NLRP11: variants seen among roughly 807,000 people sequenced by gnomAD.
NLRP11 encodes NLR family pyrin domain containing 11, also known as NACHT, LRR and PYD domains-containing protein 11.
In NLRP11, 53 loss-of-function variants were observed where a neutral mutation model predicts 79.3. The ratio of observed to expected loss-of-function variants is 0.67; its 90% confidence interval spans 0.54 to 0.84. The LOEUF is 0.84. Among genes scored for constraint, NLRP11 ranks in the 40% least tolerant of loss-of-function variants. NLRP11 has a pLI of 0.00. For missense variants in NLRP11, 1,264 were observed against 1,255.0 expected (o/e 1.01, Z -0.11); for synonymous variants, 518 against 462.6 (o/e 1.12, Z -1.54).
exon 2 of NLRP11, chr19:55,818,058 C>T (rs1301554130): frequency 6.2e-7 from 1 of 1,613,992 alleles, no homozygotes. Flanking sequence ...GAAACTGTGG[C>T]AGTTTGAAAT....
At chr19:55,796,449 G>A (rs913493300) in intron 5 of NLRP11, among the ~76,000 whole-genome samples, 199 bp from the exon 6 acceptor site, 2 of 152,180 alleles carry the variant, frequency 1.3e-5, no homozygotes, top group South Asian at 4.2e-4. Context: ...ACAGATTCAC[G>A]AAGGGCTGTG....
chr19:55,796,526 T>C (rs528111362), intron 5 of NLRP11, among the ~76,000 whole-genome samples: 1 of 152,190 alleles, frequency 6.6e-6, no homozygotes, highest in African/African-American at 2.4e-5. Flanking sequence ...TTCAGAACGG[T>C]AAGTCAGGTA....
chr19:55,798,419 A>G (rs1979150647), intron 5 of NLRP11: 1 of 705,872 alleles, frequency 1.4e-6, no homozygotes, highest in Non-Finnish European at 1.7e-6. Flanking sequence ...ACAGAAAACC[A>G]AATACCACAT....
chr19:55,803,257 G>A (rs971343167), intron 4 of NLRP11, among the ~76,000 whole-genome samples: 1 of 152,162 alleles, frequency 6.6e-6, no homozygotes, highest in African/African-American at 2.4e-5. Context: ...TGAGGCAGGA[G>A]AAGCACTTGA....
chr19:55,817,319 A>G (rs1981227829), intron 2 of NLRP11, among the ~76,000 whole-genome samples: 1 of 152,192 alleles, frequency 6.6e-6, no homozygotes, highest in Non-Finnish European at 1.5e-5. Flanking sequence ...CAATCCCACT[A>G]CTGTGTATCT....
In NLRP11 at chr19:55,809,366, TCAC is replaced by T. The variant is rs1321361258; in HGVS notation, c.1241_1243del (p.Gly414del). 6.2e-7 allele frequency: 1 copy of T among 1,614,028 alleles called. No homozygotes were observed. The highest frequency in any genetic ancestry group is 8.5e-7 in the Non-Finnish European group (1 of 1,180,038). ...AGTAAACCCAACACATCTGAGGTCT[TCAC>T]CACTGAAATTCAGGGTGCTCAGAAA... On this transcript the variant is annotated inframe_deletion, in exon 3 of 10. Transcript: ENST00000589093. This position sits in a 1 kb window ranked among gnomAD's most constrained non-coding sequence, Gnocchi z 4.5.
At chr19:55,788,929 A>G (rs1437109593) in exon 9 of NLRP11, 1 of 1,613,894 alleles carries the variant, frequency 6.2e-7, no homozygotes, top group African/African-American at 1.3e-5. Context: ...TGGTAAGAAC[A>G]GAGGCAAGAG....
At chr19:55,802,528 GA>G (rs1374222266) in intron 4 of NLRP11, among the ~76,000 whole-genome samples, 4 of 151,980 alleles carry the variant, frequency 2.6e-5, no homozygotes, top group Non-Finnish European at 5.9e-5. Context: ...CAAACAAATG[GA>G]AAAAACATTC....
intron 3 of NLRP11, 123 bp downstream of exon 3, chr19:55,808,646 G>T: frequency 1.2e-6 from 1 of 848,166 alleles, no homozygotes; most frequent in Non-Finnish European, 1.9e-6. Context: ...GGTCTAATTA[G>T]AAGCTAGATT....
chr19:55,817,820 GAA>G (rs10632108), intron 2 of NLRP11, 82 bp downstream of exon 2: 18,951 of 819,376 alleles, frequency 0.023, no homozygotes, highest in Admixed American at 0.045. Flanking sequence ...AACCTATTTA[GAA>G]AAAAAAAAAA....
intron 1 of NLRP11, among the ~76,000 whole-genome samples, chr19:55,831,110 T>TCCCCCCCA (rs1212630227): frequency 2.0e-4 from 2 of 10,026 alleles, no homozygotes; most frequent in South Asian, 3.3e-3. Flanking sequence ...ACCCCCCCCA[T>TCCCCCCCA]CCCCCCCACC....
chr19:55,811,728 G>C (rs1349595045), intron 2 of NLRP11, among the ~76,000 whole-genome samples: 3 of 152,014 alleles, frequency 2.0e-5, no homozygotes, highest in Non-Finnish European at 4.4e-5. Flanking sequence ...TGATGAGTAT[G>C]GTTCATGATT....
chr19:55,801,419 T>C (rs1186355039), intron 5 of NLRP11, among the ~76,000 whole-genome samples, 153 bp downstream of exon 5: 1 of 152,122 alleles, frequency 6.6e-6, no homozygotes, highest in Non-Finnish European at 1.5e-5. Context: ...GGAATAATGT[T>C]GGTGAAAGAA....
intron 1 of NLRP11, among the ~76,000 whole-genome samples, chr19:55,821,443 G>A (rs980329802): frequency 6.6e-6 from 1 of 152,124 alleles, no homozygotes; most frequent in Admixed American, 6.5e-5. Context: ...AGCCCTCACT[G>A]TAATAAGTCA....
chr19:55,816,233 A>G (rs1981101653), intron 2 of NLRP11, among the ~76,000 whole-genome samples: 1 of 152,232 alleles, frequency 6.6e-6, no homozygotes, highest in African/African-American at 2.4e-5. Context: ...AGGAGTAGCT[A>G]TGCTTATATC....
chr19:55,814,832 G>A (rs1455720128), intron 2 of NLRP11, among the ~76,000 whole-genome samples: 3 of 152,102 alleles, frequency 2.0e-5, no homozygotes, highest in South Asian at 2.1e-4. Flanking sequence ...CACAACCCAC[G>A]GAGAACAGAA....
rs781657526 is a variant in NLRP11 at position 55,809,070 on chromosome 19, G to T, written c.1540C>A (p.Gln514Lys). Residue 514 changes from glutamine (Q) to lysine (K), a missense_variant, in exon 3 of 10, where the codon CAG becomes AAG. By Grantham distance (53) the Gln-to-Lys change is moderately conservative. Transcript: ENST00000589093. The surrounding 1 kb of genome is among the most constrained non-coding windows in gnomAD (Gnocchi z 4.5). ...TTGAAGCTGTCTACCATCGGTAGCT[G>T]GTATCCAAAGGATGTCTCAAGAATC... The T allele has an allele frequency of 6.2e-7, 1 of 1,613,636 alleles. No individual in the cohort carries two copies. Among genetic ancestry groups the T allele is most frequent in the Non-Finnish European group, 8.5e-7 (1 of 1,179,724 alleles).
intron 4 of NLRP11, among the ~76,000 whole-genome samples, chr19:55,803,208 G>A (rs1481569243): frequency 4.6e-5 from 7 of 152,070 alleles, no homozygotes; most frequent in Admixed American, 2.0e-4. Context: ...TTAGCTGGGC[G>A]TGGTGGCGGG....
Position 55,808,050 on chromosome 19 carries a change from C to T in NLRP11, c.1842-36G>A, listed in dbSNP as rs7255234. On this transcript the variant is annotated intron_variant, in intron 3 of 9. Coordinates refer to ENST00000589093, the Ensembl canonical transcript of NLRP11. ...GAAAAATTGAGTTTTCCAATGGAAT[C>T]GATTCAACTCCAGCAATTTGTAAAA... is the stretch of plus-strand genomic sequence containing the variant. 5,325 of 1,419,956 alleles carry T rather than the reference C, an allele frequency of 3.8e-3. 174 individuals are homozygous for T. The African/African-American group carries it at 0.068, about 18-fold the overall frequency. The allele number at this position is 1,419,956 out of a possible 1,614,324, so 88.0% of individuals were successfully genotyped here.
Sources: gnomAD v4.1 joint callset for allele counts (sites outside exome capture counted in the v4.1 genomes callset) on GRCh38, gnomAD v4.1.1 for gene constraint, Gnocchi (gnomAD v3.1) non-coding constraint, MANE v1.5 for transcripts, NCBI Gene and HGNC (gene_info 2026-07-23, HGNC 2026-07-21) for gene names.